HNRNPR: variants seen among roughly 807,000 people sequenced by gnomAD.
The protein encoded by HNRNPR is heterogeneous nuclear ribonucleoprotein R.
HNRNPR carries 4 observed loss-of-function variants against 70.3 expected under a neutral mutation model. The observed-to-expected ratio is 0.06, with a 90% confidence interval of 0.03 to 0.13. The LOEUF (loss-of-function observed/expected upper bound fraction) is 0.13. HNRNPR is among the 10% of genes least tolerant of loss of function. HNRNPR has a pLI of 1.00. For missense variants in HNRNPR, 423 were observed against 788.5 expected (o/e 0.54, Z 5.55); for synonymous variants, 241 against 267.6 (o/e 0.90, Z 0.97).
At chr1:23,330,928 A>C (rs1646195608) in intron 5 of HNRNPR, among the ~76,000 whole-genome samples, 1 of 152,272 alleles carries the variant, frequency 6.6e-6, no homozygotes, top group South Asian at 2.1e-4. Flanking sequence ...AATCACAATT[A>C]AAACCAATTT....
rs1474663543 is a variant in HNRNPR at position 23,318,067 on chromosome 1, T to A, written c.1017+416A>T. On this transcript the variant is annotated intron_variant, in intron 8 of 10. Transcript: ENST00000302271. This position sits in a 1 kb window ranked among gnomAD's most constrained non-coding sequence, Gnocchi z 4.2. ...AAGAAAAATTAGCTATAAATCTAAA[T>A]AAAACATAATTCATGGCCAAGTAAT... is the stretch of plus-strand genomic sequence containing the variant. Among the ~76,000 whole-genome samples, 1 of 150,912 alleles carries A rather than the reference T, an allele frequency of 6.6e-6. No individual in the cohort carries two copies. The highest frequency in any genetic ancestry group is 1.5e-5 in the Non-Finnish European group (1 of 67,766).
intron 6 of HNRNPR, 123 bp from the exon 7 acceptor site, chr1:23,321,786 C>T: frequency 4.8e-6 from 4 of 838,876 alleles, no homozygotes; most frequent in East Asian, 2.6e-5. Flanking sequence ...ACCAAGTTCC[C>T]TCATGCTTTC....
chr1:23,331,184 C>T lies in HNRNPR; in HGVS notation c.498+2334G>A, dbSNP rs371820900. On this transcript the variant is annotated intron_variant, in intron 5 of 10. Coordinates refer to ENST00000302271, the MANE Select transcript of HNRNPR (RefSeq NM_005826.5). Reference sequence around the variant, plus strand: ...TTAACATACAGAAGAATGCATCTTTCTCCTAAAGGAACAATGCAATCTAAG... The same window carrying T: ...TTAACATACAGAAGAATGCATCTTTTTCCTAAAGGAACAATGCAATCTAAG... Among the ~76,000 whole-genome samples, 31 of 152,280 alleles carry T rather than the reference C, an allele frequency of 2.0e-4. No individual in the cohort carries two copies. The South Asian group carries it at 6.0e-3, about 30-fold the overall frequency.
At chr1:23,315,146 A>G (rs1645482105) in intron 8 of HNRNPR, among the ~76,000 whole-genome samples, 1 of 151,766 alleles carries the variant, frequency 6.6e-6, no homozygotes, top group African/African-American at 2.4e-5. Context: ...CGGGCGTGGT[A>G]GGAGGCACCT....
At chr1:23,311,092 G>T in intron 10 of HNRNPR, 26 bp from the exon 11 acceptor site, 1 of 1,606,894 alleles carries the variant, frequency 6.2e-7, no homozygotes, top group African/African-American at 1.3e-5. Flanking sequence ...AGGGAGAAAA[G>T]AAAAAACAAA....
intron 5 of HNRNPR, among the ~76,000 whole-genome samples, chr1:23,329,160 GC>G (rs1392454379): frequency 6.6e-6 from 1 of 151,992 alleles, no homozygotes; most frequent in Non-Finnish European, 1.5e-5. Context: ...CAAATCTGTG[GC>G]CAATAAAGTC....
rs940027965 is a variant in HNRNPR, at chr1:23,307,234, G to A, written c.*3220C>T. The A allele has an allele frequency of 2.0e-5, 3 of 152,058 alleles. No individual in the cohort carries two copies. Among genetic ancestry groups the A allele is most frequent in the African/African-American group, 4.8e-5 (2 of 41,422 alleles). 9.4% of individuals were successfully genotyped at this position (152,058 alleles called of 1,614,324 possible). On this transcript the variant is annotated 3_prime_UTR_variant, in exon 11 of 11. Coordinates refer to ENST00000302271, the MANE Select transcript of HNRNPR (RefSeq NM_005826.5). The stretch of plus-strand genomic sequence containing the variant: ...TTTACAAATGCACAATTAATAAAAC[G>A]TAGGTATGATTATATTCAAATGGGC...
chr1:23,325,094 C>T (rs187475298), intron 5 of HNRNPR, among the ~76,000 whole-genome samples: 2 of 151,756 alleles, frequency 1.3e-5, no homozygotes, highest in East Asian at 1.9e-4. Flanking sequence ...GAGCCGAGAT[C>T]GCGCCACTAC....
At chr1:23,313,417 C>T in intron 9 of HNRNPR, 136 bp downstream of exon 9, 1 of 640,364 alleles carries the variant, frequency 1.6e-6, no homozygotes, top group Non-Finnish European at 2.7e-6. Context: ...ACTATTACCA[C>T]TTTACAGAGA....
intron 5 of HNRNPR, among the ~76,000 whole-genome samples, chr1:23,325,478 A>G (rs1454530050): frequency 1.3e-5 from 2 of 152,176 alleles, no homozygotes; most frequent in Non-Finnish European, 2.9e-5. Context: ...ATTCTCACAC[A>G]ATAGTTATTG....
intron 5 of HNRNPR, among the ~76,000 whole-genome samples, chr1:23,327,897 C>A (rs907273066): frequency 6.7e-6 from 1 of 150,076 alleles, no homozygotes; most frequent in South Asian, 2.1e-4. Context: ...GTGTCTCATG[C>A]CTATAATCCC....
chr1:23,334,219 T>A (rs1176672320), intron 4 of HNRNPR, among the ~76,000 whole-genome samples: 2 of 148,822 alleles, frequency 1.3e-5, no homozygotes, highest in Admixed American at 1.4e-4. Flanking sequence ...CAGCCCCCAC[T>A]GTCTTTCTAG....
rs372481288 is a variant in HNRNPR, at chr1:23,332,131, A to AGAGAGGG, written c.498+1380_498+1386dup. ...TGGGCGACAGAGCGAGACTGAATGG[A>AGAGAGGG]GAGAGGGGAGAGGGGAGAGGGGAGG... is the stretch of plus-strand genomic sequence containing the variant. On this transcript the variant is annotated intron_variant, in intron 5 of 10. Coordinates refer to ENST00000302271, the MANE Select transcript of HNRNPR (RefSeq NM_005826.5). Among the ~76,000 whole-genome samples the AGAGAGGG allele has an allele frequency of 2.1e-3, 318 of 151,976 alleles. 2 individuals carry two copies. Among genetic ancestry groups the AGAGAGGG allele is most frequent in the Middle Eastern group, 3.4e-3 (1 of 292 alleles).
rs1645205156 is a variant in HNRNPR, at chr1:23,306,595, A to AC, written c.*3858_*3859insG. ...CATCTGAAAATGATTAAAAAAACAA[A>AC]AAAACAAAACAAAACAAAACAAAAC... On this transcript the variant is annotated 3_prime_UTR_variant, in exon 11 of 11. Transcript: ENST00000302271. 6.6e-6 allele frequency: 1 copy of AC among 152,018 alleles called. No individual in the cohort carries two copies. The highest frequency in any genetic ancestry group is 1.5e-5 in the Non-Finnish European group (1 of 68,010). The allele number at this position is 152,018 out of a possible 1,614,324, so 9.4% of individuals were successfully genotyped here.
At chr1:23,315,651 G>A (rs1645513093) in intron 8 of HNRNPR, among the ~76,000 whole-genome samples, 1 of 152,166 alleles carries the variant, frequency 6.6e-6, no homozygotes, top group Admixed American at 6.5e-5. Flanking sequence ...AGGGATAGGG[G>A]TAGAAAGGAA....
chr1:23,342,823 T>A (rs184539195), intron 1 of HNRNPR, among the ~76,000 whole-genome samples: 1 of 152,258 alleles, frequency 6.6e-6, no homozygotes, highest in Admixed American at 6.5e-5. Flanking sequence ...GGTTTTTAAG[T>A]ATGTGTAAAG....
In HNRNPR at chr1:23,305,909, T is replaced by A. The variant is rs1645196074; in HGVS notation, c.*4545A>T. On this transcript the variant is annotated 3_prime_UTR_variant, in exon 11 of 11. Transcript: ENST00000302271. ...ATTATTGTCAAACTGCTAAAACTTT[T>A]TAAAGTTTCATTTTACAGTGTTAAG... The A allele has an allele frequency of 6.6e-6, 1 of 152,218 alleles. No individual in the cohort carries two copies. Among genetic ancestry groups the A allele is most frequent in the African/African-American group, 2.4e-5 (1 of 41,470 alleles). The allele number at this position is 152,218 out of a possible 1,614,324, so 9.4% of individuals were successfully genotyped here. A position where few individuals can be genotyped will look rare whatever the true frequency, so the allele number is the denominator to read the frequency against.
chr1:23,329,632 C>T (rs1646136562), intron 5 of HNRNPR, among the ~76,000 whole-genome samples: 2 of 152,162 alleles, frequency 1.3e-5, no homozygotes, highest in Admixed American at 1.3e-4. Flanking sequence ...AGTCATTCAA[C>T]AGTCTTTTCT....
chr1:23,307,885 T>G lies in HNRNPR; in HGVS notation c.*2569A>C, dbSNP rs1467309984. 1 of 150,888 alleles carries G rather than the reference T, an allele frequency of 6.6e-6. No homozygotes were observed. Among genetic ancestry groups the G allele is most frequent in the African/African-American group, 2.4e-5 (1 of 40,976 alleles). The allele number at this position is 150,888 out of a possible 1,614,324, so 9.3% of individuals were successfully genotyped here. ...AAGACAGGAGAGCAGGAAACCAAAT[T>G]CCTTACACTCATAATTTGTACCTAA... On this transcript the variant is annotated 3_prime_UTR_variant, in exon 11 of 11. Coordinates refer to ENST00000302271, the MANE Select transcript of HNRNPR (RefSeq NM_005826.5).
Sources: allele counts gnomAD v4.1 joint callset (sites outside exome capture counted in the v4.1 genomes callset), GRCh38; gene constraint gnomAD v4.1.1; non-coding constraint Gnocchi (gnomAD v3.1); transcripts MANE v1.5; gene names NCBI Gene and HGNC (gene_info 2026-07-23, HGNC 2026-07-21).